The following ROBO2 variants were observed in gnomAD, a reference collection of about 807,000 sequenced individuals.
ROBO2 encodes roundabout guidance receptor 2.
A neutral mutation model predicts 160.8 loss-of-function variants in ROBO2; 53 were observed. That is an observed-to-expected ratio of 0.33 (90% CI 0.26 to 0.41). The LOEUF (loss-of-function observed/expected upper bound fraction) is 0.41, where lower values mean the gene tolerates loss of function less well. Ranked by LOEUF, ROBO2 falls within the 10% of genes least tolerant of loss-of-function variation. The pLI is 1.00. For missense variants in ROBO2, 1,577 were observed against 1,722.4 expected (o/e 0.92, Z 1.49); for synonymous variants, 664 against 611.7 (o/e 1.09, Z -1.26).
chr3:76,740,571 A>G (rs2093785704), intron 2 of ROBO2, among the ~76,000 whole-genome samples: 5 of 152,314 alleles, frequency 3.3e-5, no homozygotes, highest in South Asian at 4.1e-4. Flanking sequence ...AGAGTGAAGC[A>G]TATTTACATG....
At chr3:76,223,648 A>G (rs1180294198) in intron 2 of ROBO2, among the ~76,000 whole-genome samples, 1 of 152,144 alleles carries the variant, frequency 6.6e-6, no homozygotes. Context: ...TTGTATTGCA[A>G]TTAAGCCAAT....
intron 2 of ROBO2, among the ~76,000 whole-genome samples, chr3:76,654,810 A>G (rs990244615): frequency 2.7e-5 from 4 of 150,580 alleles, no homozygotes; most frequent in Non-Finnish European, 5.9e-5. Context: ...TAAAGACACA[A>G]ATTCAGAAAA....
intron 2 of ROBO2, among the ~76,000 whole-genome samples, chr3:76,938,969 C>G (rs1328104220): frequency 1.2e-5 from 1 of 80,792 alleles, no homozygotes; most frequent in Non-Finnish European, 2.5e-5. Context: ...AAAACTCAGT[C>G]TCAAAAAAAA....
intron 2 of ROBO2, among the ~76,000 whole-genome samples, chr3:75,961,002 T>G (rs1948891143): frequency 6.6e-6 from 1 of 151,688 alleles, no homozygotes; most frequent in Non-Finnish European, 1.5e-5. Flanking sequence ...AAGATTTTGT[T>G]AATTTGAGGT....
At chr3:77,144,761 G>A (rs1361112249) in intron 2 of ROBO2, among the ~76,000 whole-genome samples, 1 of 151,952 alleles carries the variant, frequency 6.6e-6, no homozygotes, top group African/African-American at 2.4e-5. Flanking sequence ...GTGTAGATAA[G>A]TAGATTTTCA....
At chr3:77,420,748 T>G (rs562255335) in intron 2 of ROBO2, among the ~76,000 whole-genome samples, 1 of 152,244 alleles carries the variant, frequency 6.6e-6, no homozygotes, top group East Asian at 1.9e-4. Flanking sequence ...CTCTGCTGAT[T>G]TGGAGATGCC....
intron 2 of ROBO2, among the ~76,000 whole-genome samples, chr3:76,338,616 C>T (rs1427310071): frequency 6.6e-6 from 1 of 151,840 alleles, no homozygotes. Flanking sequence ...TTTGAGGTTA[C>T]ATTGAGCTAT....
At chr3:76,326,785 G>A (rs6791141) in intron 2 of ROBO2, among the ~76,000 whole-genome samples, 104,300 of 109,326 alleles carry the variant, frequency 0.95, 49,917 homozygotes, top group Non-Finnish European at 1. Context: ...CCACCCCACA[G>A]CAGTCCCCAG....
At chr3:76,288,710 A>G (rs574522459) in intron 2 of ROBO2, among the ~76,000 whole-genome samples, 1 of 152,208 alleles carries the variant, frequency 6.6e-6, no homozygotes, top group East Asian at 1.9e-4. Context: ...CTCAATGTTT[A>G]GCTCTCACTC....
chr3:76,135,086 C>G (rs1423639031), intron 2 of ROBO2, among the ~76,000 whole-genome samples: 1 of 151,944 alleles, frequency 6.6e-6, no homozygotes, highest in African/African-American at 2.4e-5. Flanking sequence ...GAGTTCCCCT[C>G]CAGCTGGTAG....
chr3:77,141,291 C>T (rs538878591), intron 2 of ROBO2, among the ~76,000 whole-genome samples: 2 of 151,854 alleles, frequency 1.3e-5, no homozygotes, highest in Admixed American at 6.6e-5. Flanking sequence ...AAGCCCCCCC[C>T]CCTTGTAATA....
At chr3:77,066,377 A>G (rs1298624795) in intron 1 of ROBO2, among the ~76,000 whole-genome samples, 1 of 152,224 alleles carries the variant, frequency 6.6e-6, no homozygotes, top group Non-Finnish European at 1.5e-5. Context: ...TGGTAATAAT[A>G]ACTCTGACAA....
chr3:76,238,544 C>G (rs138122613), intron 2 of ROBO2, among the ~76,000 whole-genome samples: 2,343 of 149,892 alleles, frequency 0.016, 21 homozygotes, highest in Non-Finnish European at 0.024. Context: ...TCACCTCCCC[C>G]CAGGTCTCCC....
intron 2 of ROBO2, among the ~76,000 whole-genome samples, chr3:76,097,256 G>A (rs2069490091): frequency 6.6e-6 from 1 of 152,080 alleles, no homozygotes; most frequent in African/African-American, 2.4e-5. Flanking sequence ...CTTCTCTGAC[G>A]GCATGAGCCT....
chr3:75,993,661 G>A (rs187829856), intron 2 of ROBO2, among the ~76,000 whole-genome samples: 368 of 152,040 alleles, frequency 2.4e-3, no homozygotes, highest in Non-Finnish European at 3.6e-3. Context: ...ATACCTTTTC[G>A]CTTCCTGTAG....
At chr3:77,234,992 G>A (rs62249663) in intron 2 of ROBO2, among the ~76,000 whole-genome samples, 4,457 of 152,098 alleles carry the variant, frequency 0.029, 76 homozygotes, top group Middle Eastern at 0.058. Flanking sequence ...TAATTTTAGC[G>A]TACAAAAGTG....
intron 2 of ROBO2, among the ~76,000 whole-genome samples, chr3:76,056,845 G>A (rs562116291): frequency 2.6e-5 from 4 of 152,270 alleles, no homozygotes; most frequent in Admixed American, 1.3e-4. Context: ...AAAGTGTAAT[G>A]TCAGATGTAG....
intron 2 of ROBO2, among the ~76,000 whole-genome samples, chr3:76,562,446 TC>T (rs2084244715): frequency 2.6e-5 from 4 of 151,502 alleles, no homozygotes; most frequent in Non-Finnish European, 5.9e-5. Flanking sequence ...TTGATCTCTC[TC>T]TCTCTCTCTC....
chr3:76,972,601 T>C (rs2059624791), intron 2 of ROBO2, among the ~76,000 whole-genome samples: 2 of 152,238 alleles, frequency 1.3e-5, no homozygotes, highest in Admixed American at 1.3e-4. Context: ...CTCAGACCTG[T>C]AATCCCAGTG....
Sources: gnomAD v4.1 joint callset for allele counts (sites outside exome capture counted in the v4.1 genomes callset) on GRCh38, gnomAD v4.1.1 for gene constraint, MANE v1.5 for transcripts, NCBI Gene and HGNC (gene_info 2026-07-23, HGNC 2026-07-21) for gene names.